The following CLIC5 variants were observed in gnomAD, a reference collection of about 807,000 sequenced individuals.
The protein encoded by CLIC5 is chloride intracellular channel protein 5.
Under a neutral mutation model 24.7 loss-of-function variants are expected in CLIC5, and 20 were observed. The ratio of observed to expected loss-of-function variants is 0.81; its 90% CI spans 0.57 to 1.18. The LOEUF is 1.18. Ranked by LOEUF, CLIC5 falls within the 50% of genes most tolerant of loss-of-function variation. CLIC5 has a pLI of 0.00. For synonymous variants in CLIC5, 159 were observed against 135.6 expected, an observed-to-expected ratio of 1.17 and a Z score of -1.20; for missense variants, 341 against 326.1, an observed-to-expected ratio of 1.05 and a Z score of -0.35.
chr6:46,010,467 TCCA>T (rs1766765897), intron 1 of CLIC5, among the ~76,000 whole-genome samples: 1 of 152,206 alleles, frequency 6.6e-6, no homozygotes, highest in African/African-American at 2.4e-5. Context: ...GTTTCACTCT[TCCA>T]CCACATCTCT....
chr6:45,937,410 T>G (rs1763976250), intron 4 of CLIC5: 1 of 152,238 alleles, frequency 6.6e-6, no homozygotes, highest in Non-Finnish European at 1.5e-5. Context: ...ATTACCTTAT[T>G]GCCAGATAAA....
chr6:46,020,724 G>T (rs1372998753), upstream of CLIC5, among the ~76,000 whole-genome samples: 2 of 151,968 alleles, frequency 1.3e-5, no homozygotes, highest in South Asian at 2.1e-4. Flanking sequence ...TATTATCAAT[G>T]TTAGATACAA....
intron 1 of CLIC5, among the ~76,000 whole-genome samples, chr6:46,053,915 A>C (rs1273707456): frequency 6.6e-6 from 1 of 152,144 alleles, no homozygotes; most frequent in Non-Finnish European, 1.5e-5. Context: ...GAAATGCAAG[A>C]TCAGGTAGCT....
At chr6:45,908,857 G>C (rs188166501) in intron 5 of CLIC5, among the ~76,000 whole-genome samples, 1 of 152,098 alleles carries the variant, frequency 6.6e-6, no homozygotes, top group Non-Finnish European at 1.5e-5. Flanking sequence ...TCTGTCTAAC[G>C]TTGTTAGTGA....
At chr6:45,979,795 C>T (rs555003663) in intron 1 of CLIC5, among the ~76,000 whole-genome samples, 1 of 151,250 alleles carries the variant, frequency 6.6e-6, no homozygotes, top group South Asian at 2.1e-4. Flanking sequence ...TTGTGAGATG[C>T]ATCATAGTAT....
In CLIC5 at chr6:45,914,282, C is replaced by A. The variant is rs1235247359; in HGVS notation, c.534G>T (p.Gly178=). The A allele has an allele frequency of 3.1e-6, 5 of 1,610,616 alleles. No individual in the cohort carries two copies. The East Asian group carries it at 1.1e-4, about 36-fold the overall frequency. The change falls in exon 5 of 6, where the codon GGG becomes GGT. Residue 178 remains glycine, a synonymous_variant. Coordinates refer to ENST00000339561, the MANE Select transcript of CLIC5 (RefSeq NM_016929.5). The part of the protein sequence containing the change: ...DKGSRRKFLD[G]DELTLADCNL... Reference sequence around the variant, plus strand: ...TGCAGTCAGCCAGGGTCAGCTCATCCCCATCCAGGAACTTGCGCCGGGACC... The same window carrying A: ...TGCAGTCAGCCAGGGTCAGCTCATCACCATCCAGGAACTTGCGCCGGGACC...
intron 1 of CLIC5, among the ~76,000 whole-genome samples, chr6:46,059,706 T>C (rs944008139): frequency 2.0e-5 from 3 of 152,178 alleles, no homozygotes; most frequent in African/African-American, 7.2e-5. Context: ...ACTGCCTAGG[T>C]TTGCCCGGAT....
chr6:46,092,650 TG>T, the CLIC5 span, among the ~76,000 whole-genome samples: 1 of 151,578 alleles, frequency 6.6e-6, no homozygotes, highest in East Asian at 1.9e-4. Flanking sequence ...TGTGTGTGTG[TG>T]TATACATATC....
chr6:45,972,724 A>C (rs1441528784), intron 1 of CLIC5, among the ~76,000 whole-genome samples: 1 of 152,018 alleles, frequency 6.6e-6, no homozygotes, highest in Non-Finnish European at 1.5e-5. Context: ...GTGTTTGAGA[A>C]GGCTGGTCTT....
chr6:46,128,050 A>C, the CLIC5 span, among the ~76,000 whole-genome samples: 2 of 152,204 alleles, frequency 1.3e-5, no homozygotes, highest in Non-Finnish European at 2.9e-5. Context: ...TTACCTCTGG[A>C]CTTCTTGTTC....
At chr6:46,037,650 T>C (rs1767699563) in intron 1 of CLIC5, among the ~76,000 whole-genome samples, 1 of 152,200 alleles carries the variant, frequency 6.6e-6, no homozygotes. Context: ...TTGAATCAGG[T>C]GTCATTTAAT....
At chr6:45,885,906 C>T (rs1183312982) in intron 6 of CLIC5, among the ~76,000 whole-genome samples, 6 of 152,068 alleles carry the variant, frequency 3.9e-5, no homozygotes, top group Non-Finnish European at 7.4e-5. Context: ...TCCTGAGAGC[C>T]GAATCAAAAT....
intron 4 of CLIC5, among the ~76,000 whole-genome samples, chr6:45,925,712 T>C (rs1763457529): frequency 1.3e-5 from 2 of 152,210 alleles, no homozygotes; most frequent in Admixed American, 1.3e-4. Flanking sequence ...TGAGGAAAGA[T>C]GAAGGACCCT....
the CLIC5 span, among the ~76,000 whole-genome samples, chr6:46,087,946 G>A: frequency 2.6e-5 from 4 of 152,166 alleles, no homozygotes; most frequent in Admixed American, 1.3e-4. Context: ...TAAAGGAAAT[G>A]TGCTTTCTGC....
chr6:45,961,267 A>T (rs1283256911), intron 1 of CLIC5, among the ~76,000 whole-genome samples: 1 of 152,222 alleles, frequency 6.6e-6, no homozygotes. Flanking sequence ...AAGTGATTAA[A>T]TAATTTTGTT....
At chr6:45,907,896 T>TTTTATTTC (rs1228402617) in intron 5 of CLIC5, among the ~76,000 whole-genome samples, 1 of 152,210 alleles carries the variant, frequency 6.6e-6, no homozygotes, top group African/African-American at 2.4e-5. Flanking sequence ...CTTGTAGGCC[T>TTTTATTTC]TTTATTTCTT....
chr6:46,018,403 T>C (rs935724082), upstream of CLIC5, among the ~76,000 whole-genome samples: 5 of 152,198 alleles, frequency 3.3e-5, no homozygotes, highest in African/African-American at 1.2e-4. Flanking sequence ...TGGACAGATC[T>C]CTTTCAATAA....
At chr6:46,116,260 T>G in the CLIC5 span, among the ~76,000 whole-genome samples, 2 of 152,160 alleles carry the variant, frequency 1.3e-5, no homozygotes, top group Middle Eastern at 3.2e-3. Flanking sequence ...TTTTTCTGAT[T>G]TTTAGTTTGT....
chr6:45,964,261 TCATG>T (rs1016284962), intron 1 of CLIC5, among the ~76,000 whole-genome samples: 3 of 152,154 alleles, frequency 2.0e-5, no homozygotes, highest in African/African-American at 7.2e-5. Flanking sequence ...TTGTATAGAC[TCATG>T]CAAACCTGGG....
Sources: gnomAD v4.1 joint callset for allele counts (sites outside exome capture counted in the v4.1 genomes callset) on GRCh38, gnomAD v4.1.1 for gene constraint, MANE v1.5 for transcripts, NCBI Gene and HGNC (gene_info 2026-07-23, HGNC 2026-07-21) for gene names.